The following CTNNA3 variants were observed in gnomAD, a reference collection of about 807,000 sequenced individuals.
The protein encoded by CTNNA3 is catenin alpha-3.
A neutral mutation model predicts 95.7 loss-of-function variants in CTNNA3; 76 were observed. The observed-to-expected ratio is 0.79, with a 90% CI of 0.66 to 0.96. CTNNA3 has a LOEUF of 0.96. CTNNA3 is among the 40% of genes least tolerant of loss of function. The probability of loss-of-function intolerance (pLI) is 0.00; values close to 1 mark genes in which losing one functional copy is unlikely to be tolerated. For missense variants in CTNNA3, 1,191 were observed against 1,089.8 expected (o/e 1.09, Z -1.31); for synonymous variants, 431 against 374.4 (o/e 1.15, Z -1.74).
At chr10:66,159,901 C>T (rs2084756602) in intron 13 of CTNNA3, among the ~76,000 whole-genome samples, 1 of 151,834 alleles carries the variant, frequency 6.6e-6, no homozygotes, top group Non-Finnish European at 1.5e-5. Flanking sequence ...CTGATTTAAC[C>T]TAGGAGAGCT....
intron 6 of CTNNA3, among the ~76,000 whole-genome samples, chr10:67,215,865 A>T (rs924241674): frequency 2.0e-5 from 3 of 152,152 alleles, no homozygotes; most frequent in Non-Finnish European, 4.4e-5. Flanking sequence ...GCTCCAGGCC[A>T]TAATTGAAAA....
At chr10:66,933,418 G>A (rs1387050924) in intron 7 of CTNNA3, among the ~76,000 whole-genome samples, 3 of 152,144 alleles carry the variant, frequency 2.0e-5, no homozygotes, top group African/African-American at 7.2e-5. Flanking sequence ...TATAGCAAGG[G>A]CTTTCAATCA....
In CTNNA3 at chr10:66,723,658, G is replaced by A. The variant is rs187785701; in HGVS notation, c.1281+42606C>T. Among the ~76,000 whole-genome samples, 148 of 152,318 alleles carry A rather than the reference G, an allele frequency of 9.7e-4. 2 individuals are homozygous for A. Among genetic ancestry groups the A allele is most frequent in the Admixed American group, 9.1e-3 (139 of 15,304 alleles). ...CCTCAATGGCTACCAGAAAACAACA[G>A]CATCAGTTAATAGCCTGTGTTGTCT... On this transcript the variant is annotated intron_variant, in intron 9 of 17. Transcript: ENST00000433211.
At chr10:67,498,779 G>T (rs1042535116) in intron 5 of CTNNA3, among the ~76,000 whole-genome samples, 1 of 152,146 alleles carries the variant, frequency 6.6e-6, no homozygotes, top group African/African-American at 2.4e-5. Flanking sequence ...TTTGCGCATT[G>T]ATTTTGTATC....
At chr10:67,583,845 T>C (rs1209996328) in intron 3 of CTNNA3, among the ~76,000 whole-genome samples, 1 of 152,218 alleles carries the variant, frequency 6.6e-6, no homozygotes, top group East Asian at 1.9e-4. Flanking sequence ...TTCCACTTGA[T>C]TGAATCGGCT....
intron 1 of CTNNA3, among the ~76,000 whole-genome samples, chr10:67,684,342 T>A (rs540787229): frequency 1.3e-5 from 2 of 152,094 alleles, no homozygotes; most frequent in South Asian, 4.2e-4. Context: ...CATTTACACA[T>A]CTTTAGCCAG....
chr10:67,569,611 G>A (rs1841920054), intron 3 of CTNNA3, among the ~76,000 whole-genome samples: 1 of 152,104 alleles, frequency 6.6e-6, no homozygotes, highest in Non-Finnish European at 1.5e-5. Context: ...CCACAGCGTA[G>A]CCATTTCATA....
intron 7 of CTNNA3, among the ~76,000 whole-genome samples, chr10:66,897,231 T>A (rs570478584): frequency 6.6e-6 from 1 of 152,090 alleles, no homozygotes; most frequent in Non-Finnish European, 1.5e-5. Flanking sequence ...TGCTACCTTT[T>A]ATATATATAG....
Position 65,915,213 on chromosome 10 carries a change from A to G in CTNNA3, c.*5117T>C, listed in dbSNP as rs778487821. On this transcript the variant is annotated 3_prime_UTR_variant, in exon 18 of 18. Transcript: ENST00000433211. ...AGAATTTCACCTACCATCAGTCAGG[A>G]GAATGGCTGAATTTCTGTTTCTCAA... 7.9e-5 allele frequency: 12 copies of G among 152,152 alleles called. No homozygotes were observed. Among genetic ancestry groups the G allele is most frequent in the African/African-American group, 9.7e-5 (4 of 41,450 alleles). 9.4% of individuals were successfully genotyped at this position (152,152 alleles called of 1,614,324 possible).
chr10:66,889,376 T>G (rs1232074621), intron 7 of CTNNA3, among the ~76,000 whole-genome samples: 1 of 152,130 alleles, frequency 6.6e-6, no homozygotes, highest in Non-Finnish European at 1.5e-5. Context: ...AACTGTGGGC[T>G]CTGGGTGATA....
chr10:67,594,484 G>A (rs1361233138), intron 3 of CTNNA3, among the ~76,000 whole-genome samples: 2 of 152,046 alleles, frequency 1.3e-5, no homozygotes, highest in Non-Finnish European at 2.9e-5. Flanking sequence ...ATTCTTGGGA[G>A]CTTGTATGTT....
intron 15 of CTNNA3, among the ~76,000 whole-genome samples, chr10:66,018,382 T>A (rs1316348763): frequency 6.6e-6 from 1 of 152,140 alleles, no homozygotes; most frequent in East Asian, 1.9e-4. Flanking sequence ...ACAAACTTCG[T>A]GACATACAAA....
chr10:67,602,553 C>T (rs1247531812), intron 3 of CTNNA3, among the ~76,000 whole-genome samples: 1 of 152,172 alleles, frequency 6.6e-6, no homozygotes, highest in African/African-American at 2.4e-5. Flanking sequence ...AGGTATTTCA[C>T]ACATTATAAT....
intron 11 of CTNNA3, among the ~76,000 whole-genome samples, chr10:66,483,945 T>C (rs773051720): frequency 1.3e-5 from 2 of 152,158 alleles, no homozygotes; most frequent in African/African-American, 4.8e-5. Context: ...AATTTCCTCG[T>C]CATACTGTAC....
intron 7 of CTNNA3, among the ~76,000 whole-genome samples, chr10:67,166,493 A>T (rs1046229027): frequency 2.0e-5 from 3 of 152,214 alleles, no homozygotes; most frequent in Admixed American, 6.5e-5. Context: ...CTTAAAGAAC[A>T]TGAAAGATTT....
intron 5 of CTNNA3, among the ~76,000 whole-genome samples, chr10:67,347,698 C>T (rs896311406): frequency 1.1e-4 from 17 of 151,750 alleles, no homozygotes; most frequent in Admixed American, 6.6e-5. Context: ...TGTTAGTGTA[C>T]AAAGGTAATT....
chr10:66,349,640 A>G (rs1034779365), intron 12 of CTNNA3, among the ~76,000 whole-genome samples: 2 of 152,156 alleles, frequency 1.3e-5, no homozygotes, highest in Admixed American at 1.3e-4. Flanking sequence ...AAATTGAATT[A>G]TCAGGATGAT....
chr10:66,389,093 A>G (rs967527521), intron 11 of CTNNA3, among the ~76,000 whole-genome samples: 2 of 152,166 alleles, frequency 1.3e-5, no homozygotes, highest in Non-Finnish European at 2.9e-5. Flanking sequence ...TAGGAAAGAA[A>G]AAAAATGCCA....
In CTNNA3 at chr10:66,685,258, T is replaced by C. The variant is rs1416368097; in HGVS notation, c.1282-63474A>G. 5.1e-5 allele frequency among the ~76,000 whole-genome samples: 7 copies of C among 137,458 alleles called. 1 individual carries two copies. The highest frequency in any genetic ancestry group is 2.2e-4 in the Admixed American group (3 of 13,404). The allele number at this position is 137,458 out of a possible 152,430, so 90.2% of individuals were successfully genotyped here. ...ATATATGTGTGTATATATACGTATATATGTGTGTATATATACGTATATATA... is the reference window on the plus strand; with the variant it reads ...ATATATGTGTGTATATATACGTATACATGTGTGTATATATACGTATATATA... On this transcript the variant is annotated intron_variant, in intron 9 of 17. Coordinates refer to ENST00000433211, the MANE Select transcript of CTNNA3 (RefSeq NM_013266.4).
Sources: allele counts gnomAD v4.1 joint callset (sites outside exome capture counted in the v4.1 genomes callset), GRCh38; gene constraint gnomAD v4.1.1; transcripts MANE v1.5; gene names NCBI Gene and HGNC (gene_info 2026-07-23, HGNC 2026-07-21).